Variants in CENPE observed in about 807,000 individuals in gnomAD.
The protein encoded by CENPE is centromere protein E.
A neutral mutation model predicts 336.1 loss-of-function variants in CENPE; 145 were observed. The observed-to-expected ratio is 0.43, with a 90% CI of 0.38 to 0.50. CENPE has a LOEUF of 0.50. Among genes scored for constraint, CENPE ranks in the 20% least tolerant of loss-of-function variants. The pLI, the probability that CENPE is intolerant of heterozygous loss-of-function variation, is 0.00. For synonymous variants in CENPE, 1,013 were observed against 984.8 expected, an observed-to-expected ratio of 1.03 and a Z score of -0.54; for missense variants, 2,719 against 3,023.3, an observed-to-expected ratio of 0.90 and a Z score of 2.36.
At chr4:103,173,630 T>TTTGCAATATTTGCAGAAATATTTGAAAA (rs1212496499) in intron 16 of CENPE, among the ~76,000 whole-genome samples, 2 of 151,436 alleles carry the variant, frequency 1.3e-5, no homozygotes, top group Non-Finnish European at 1.5e-5. Context: ...TTGCAAAATA[T>TTTGCAATATTTGCAGAAATATTTGAAAA]ACATCTGACA....
At position 103,158,467 on chromosome 4, in the gene CENPE, G is replaced by T. The variant is rs772347636; in HGVS notation, c.2875-9C>A. 1.4e-5 allele frequency: 22 copies of T among 1,531,426 alleles called. No homozygotes were observed. In the Admixed American group the frequency reaches 3.9e-4, roughly 27 times the overall value. 94.9% of individuals were successfully genotyped at this position (1,531,426 alleles called of 1,614,324 possible). A position where few individuals can be genotyped will look rare whatever the true frequency, so the allele number is the denominator to read the frequency against. On this transcript the variant is annotated splice_polypyrimidine_tract_variant and intron_variant, in intron 23 of 48. Coordinates refer to ENST00000265148, the MANE Select transcript of CENPE (RefSeq NM_001813.3). ...TCTTGAGTATCTATATTCTTTGTTA[G>T]AAAAATATAAAAACAATTTCCATTA... is the stretch of plus-strand genomic sequence containing the variant.
intron 16 of CENPE, among the ~76,000 whole-genome samples, chr4:103,169,214 G>C (rs1578650673): frequency 6.6e-6 from 1 of 151,390 alleles, no homozygotes; most frequent in East Asian, 1.9e-4. Flanking sequence ...TTGTGAGCTT[G>C]AGACAGGCTA....
intron 46 of CENPE, 135 bp from the exon 47 acceptor site, chr4:103,111,146 C>T: frequency 1.8e-6 from 1 of 566,226 alleles, no homozygotes; most frequent in Non-Finnish European, 3.0e-6. Flanking sequence ...GGAAGTCACC[C>T]TTGACTTCTG....
intron 42 of CENPE, among the ~76,000 whole-genome samples, chr4:103,127,253 T>G (rs1751206611): frequency 6.6e-6 from 1 of 151,508 alleles, no homozygotes; most frequent in Non-Finnish European, 1.5e-5. Context: ...TATAGGGGAG[T>G]GAAGATAAGA....
intron 16 of CENPE, among the ~76,000 whole-genome samples, chr4:103,168,646 C>A (rs116321419): frequency 5.3e-5 from 8 of 152,168 alleles, no homozygotes; most frequent in African/African-American, 1.9e-4. Context: ...GGGAGACAGG[C>A]GTATCCAAGT....
At chr4:103,114,417 TA>T (rs887920105) in intron 46 of CENPE, 37 bp downstream of exon 46, 2 of 1,267,424 alleles carry the variant, frequency 1.6e-6, no homozygotes, top group South Asian at 1.2e-5. Context: ...TGTTGAGAAG[TA>T]AAATTTCATC....
Position 103,176,051 on chromosome 4 carries a change from A to G in CENPE, c.1391-3T>C. The G allele has an allele frequency of 1.3e-6, 2 of 1,557,116 alleles. No individual in the cohort carries two copies. The highest frequency in any genetic ancestry group is 8.7e-7 in the Non-Finnish European group (1 of 1,152,858). On this transcript the variant is annotated splice_polypyrimidine_tract_variant and splice_region_variant and intron_variant, in intron 14 of 48. Coordinates refer to ENST00000265148, the MANE Select transcript of CENPE (RefSeq NM_001813.3). ...AACATCAGACTCTGAACAGACAGCT[A>G]TAATTAGAGAAAAAAAAAATTTGTC...
chr4:103,182,969 C>G, intron 10 of CENPE, 78 bp from the exon 11 acceptor site: 1 of 1,396,254 alleles, frequency 7.2e-7, no homozygotes, highest in Non-Finnish European at 9.8e-7. Flanking sequence ...TAATGCAGAA[C>G]TCTTAAATCA....
chr4:103,120,127 T>C, intron 44 of CENPE, 21 bp downstream of exon 44: 2 of 1,537,210 alleles, frequency 1.3e-6, no homozygotes, highest in Non-Finnish European at 1.8e-6. Flanking sequence ...CAAACAACTT[T>C]TATTTTTATG....
At chr4:103,161,289 T>A (rs1754420058) in intron 19 of CENPE, 38 bp from the exon 20 acceptor site, 1 of 1,602,856 alleles carries the variant, frequency 6.2e-7, no homozygotes, top group Non-Finnish European at 8.5e-7. Flanking sequence ...AAAAATACAC[T>A]GATCATTACA....
At chr4:103,149,080 G>C in intron 27 of CENPE, 38 bp downstream of exon 27, 1 of 1,580,804 alleles carries the variant, frequency 6.3e-7, no homozygotes, top group Non-Finnish European at 8.5e-7. Flanking sequence ...GATTTTAAAA[G>C]AAACACTTAA....
intron 33 of CENPE, 120 bp from the exon 34 acceptor site, chr4:103,143,526 C>A: frequency 1.5e-6 from 1 of 674,876 alleles, no homozygotes; most frequent in Non-Finnish European, 2.6e-6. Context: ...TAGTTCTCAC[C>A]CTCTAAGCTA....
chr4:103,134,145 G>A (rs1751857172), intron 40 of CENPE, among the ~76,000 whole-genome samples: 1 of 152,242 alleles, frequency 6.6e-6, no homozygotes, highest in East Asian at 1.9e-4. Context: ...TGTCTTACAA[G>A]TACTTCAAAT....
chr4:103,180,821 A>G (rs1469500131), intron 12 of CENPE, among the ~76,000 whole-genome samples: 2 of 152,186 alleles, frequency 1.3e-5, no homozygotes, highest in Non-Finnish European at 2.9e-5. Flanking sequence ...ATGTTCTCAT[A>G]AGATTACCAT....
intron 20 of CENPE, 46 bp from the exon 21 acceptor site, chr4:103,160,825 AG>A: frequency 6.8e-7 from 1 of 1,469,670 alleles, no homozygotes; most frequent in South Asian, 1.3e-5. Flanking sequence ...GTTGCCAAAC[AG>A]GTAATTTAAT....
chr4:103,153,122 T>C lies in CENPE; in HGVS notation c.3162A>G (p.Glu1054=). Reference sequence around the variant, plus strand: ...TAACACTCTCTAACATTTGTTGGAGTTCATTTTTCTCCTGTATTAAAGAAA... The same window carrying C: ...TAACACTCTCTAACATTTGTTGGAGCTCATTTTTCTCCTGTATTAAAGAAA... ...KIFSLIQEKN[E]LQQMLESVIA... Residue 1054 remains glutamate (E), a synonymous_variant, in exon 25 of 49, where the codon GAA becomes GAG. Transcript: ENST00000265148. 2.5e-6 allele frequency: 4 copies of C among 1,612,894 alleles called. No homozygotes were observed. The South Asian group carries it at 3.3e-5, about 13-fold the overall frequency.
At chr4:103,147,748 C>T in intron 28 of CENPE, 102 bp from the exon 29 acceptor site, 2 of 987,842 alleles carry the variant, frequency 2.0e-6, no homozygotes, top group Non-Finnish European at 2.9e-6. Flanking sequence ...GGTGGGAGTG[C>T]AGTGGCGCAA....
chr4:103,155,370 C>G (rs1034878803), intron 24 of CENPE, among the ~76,000 whole-genome samples: 1 of 152,084 alleles, frequency 6.6e-6, no homozygotes, highest in African/African-American at 2.4e-5. Flanking sequence ...AGTGCTGCAG[C>G]ATGATCTGGG....
chr4:103,115,584 G>T (rs548875409), intron 45 of CENPE, among the ~76,000 whole-genome samples: 24 of 152,056 alleles, frequency 1.6e-4, no homozygotes, highest in Non-Finnish European at 2.1e-4. Context: ...ATTTATTCAA[G>T]ATTTATATAG....
Sources: gnomAD v4.1 joint callset for allele counts (sites outside exome capture counted in the v4.1 genomes callset) on GRCh38, gnomAD v4.1.1 for gene constraint, MANE v1.5 for transcripts, NCBI Gene and HGNC (gene_info 2026-07-23, HGNC 2026-07-21) for gene names.